The following UBN1 variants were observed in gnomAD, a reference collection of about 807,000 sequenced individuals.
The protein encoded by UBN1 is ubinuclein 1, also known as ubinuclein-1.
UBN1 carries 17 observed loss-of-function variants against 108.5 expected under a neutral mutation model. The ratio of observed to expected loss-of-function variants is 0.16; its 90% confidence interval spans 0.11 to 0.24. UBN1 has a LOEUF of 0.24. UBN1 is among the 10% of genes least tolerant of loss of function. The pLI, the probability that UBN1 is intolerant of heterozygous loss-of-function variation, is 1.00. For missense variants in UBN1, 1,595 were observed against 1,394.4 expected, an observed-to-expected ratio of 1.14 and a Z score of -2.29; for synonymous variants, 726 against 564.2, an observed-to-expected ratio of 1.29 and a Z score of -4.07.
intron 11 of UBN1, 39 bp downstream of exon 11, chr16:4,871,011 G>C: frequency 1.9e-6 from 3 of 1,612,216 alleles, no homozygotes; most frequent in Non-Finnish European, 2.5e-6. Context: ...TGGAGGGTTG[G>C]TGGGGCAGTG....
rs751842571 is a variant in UBN1, at chr16:4,849,949, C to CAAAAAAAAAAAAAAAAAAAA, written c.-40+1756_-40+1757insAAAAAAAAAAAAAAAAAAAA. On this transcript the variant is annotated intron_variant, in intron 1 of 17. Coordinates refer to ENST00000262376, the MANE Select transcript of UBN1 (RefSeq NM_001079514.3). ...CAACAGGAGTGAGGCAACTGTCTCACAAAAAAAAAAAAAAAAACCACAAAA... is the reference window on the plus strand; with the variant it reads ...CAACAGGAGTGAGGCAACTGTCTCACAAAAAAAAAAAAAAAAAAAAAAAAAAAAAAAAAAAAACCACAAAA... Among the ~76,000 whole-genome samples, 15 of 72,142 alleles carry CAAAAAAAAAAAAAAAAAAAA rather than the reference C, an allele frequency of 2.1e-4. 1 individual carries two copies. Among genetic ancestry groups the CAAAAAAAAAAAAAAAAAAAA allele is most frequent in the African/African-American group, 4.7e-4 (8 of 16,894 alleles). 47.3% of individuals were successfully genotyped at this position (72,142 alleles called of 152,430 possible).
rs968643069 is a variant in UBN1, at chr16:4,881,922, C to G, written c.*1790C>G. 2 of 152,216 alleles carry G rather than the reference C, an allele frequency of 1.3e-5. No individual in the cohort carries two copies. The highest frequency in any genetic ancestry group is 2.9e-5 in the Non-Finnish European group (2 of 68,048). 9.4% of individuals were successfully genotyped at this position (152,216 alleles called of 1,614,324 possible). A position where few individuals can be genotyped will look rare whatever the true frequency, so the allele number is the denominator to read the frequency against. The stretch of plus-strand genomic sequence containing the variant: ...CCCATAAACACCCGGGTCCCAGGCC[C>G]TCCTTCCTTTCCCTTTGGTGCTCCC... On this transcript the variant is annotated 3_prime_UTR_variant, in exon 18 of 18. Coordinates refer to ENST00000262376, the MANE Select transcript of UBN1 (RefSeq NM_001079514.3).
At position 4,877,085 on chromosome 16, in the gene UBN1, G is replaced by T. The variant is rs752149313; in HGVS notation, c.3239G>T (p.Gly1080Val). ...KDAIVTGPAP[G>V]SFHHGLGHSL... ...GCCATCGTCACAGGCCCTGCCCCCG[G>T]GTCCTTCCACCATGGCCTTGGCCAC... The change falls in exon 16 of 18, where the codon GGG becomes GTG. Residue 1080 changes from glycine (G) to valine (V), a missense_variant. Coordinates refer to ENST00000262376, the MANE Select transcript of UBN1 (RefSeq NM_001079514.3). This position sits in a 1 kb window ranked among gnomAD's most constrained non-coding sequence, Gnocchi z 4.3. The T allele has an allele frequency of 1.9e-6, 3 of 1,612,974 alleles. No individual in the cohort carries two copies. Among genetic ancestry groups the T allele is most frequent in the Admixed American group, 1.7e-5 (1 of 59,868 alleles).
At chr16:4,873,189 G>A in intron 14 of UBN1, 116 bp downstream of exon 14, 9 of 1,416,962 alleles carry the variant, frequency 6.4e-6, no homozygotes, top group Admixed American at 1.8e-5. Context: ...GGGGACAGCT[G>A]CTCAGGATGA....
At chr16:4,854,510 A>ATT (rs56951085) in intron 2 of UBN1, among the ~76,000 whole-genome samples, 4 of 131,428 alleles carry the variant, frequency 3.0e-5, no homozygotes, top group East Asian at 2.2e-4. Flanking sequence ...CGCCTGGCTA[A>ATT]TTTTTTTTTT....
At chr16:4,861,659 C>T (rs1372202331) in intron 7 of UBN1, among the ~76,000 whole-genome samples, 5 of 152,192 alleles carry the variant, frequency 3.3e-5, no homozygotes, top group East Asian at 1.9e-4. Flanking sequence ...AACCCACCAT[C>T]GGCAGGGTGC....
At chr16:4,876,035 C>T (rs2660221) in intron 15 of UBN1, among the ~76,000 whole-genome samples, 66,508 of 150,620 alleles carry the variant, frequency 0.44, 15,869 homozygotes, top group African/African-American at 0.63. Context: ...CTCGGCTCAG[C>T]GCAAGCTCCA....
At chr16:4,852,721 T>A (rs1344622851) in intron 1 of UBN1, 158 bp from the exon 2 acceptor site, 78 of 751,448 alleles carry the variant, frequency 1.0e-4, no homozygotes, top group Non-Finnish European at 1.3e-4. Context: ...TGTGAAAAAA[T>A]TTTAGGATGA....
intron 1 of UBN1, chr16:4,852,314 G>A (rs2086597636): frequency 6.6e-6 from 1 of 152,202 alleles, no homozygotes; most frequent in Non-Finnish European, 1.5e-5. Flanking sequence ...TTTTGTCAAG[G>A]CCAGTGTTTG....
At chr16:4,857,124 T>C (rs112861583) in intron 2 of UBN1, among the ~76,000 whole-genome samples, 17,656 of 151,914 alleles carry the variant, frequency 0.12, 1,273 homozygotes, top group South Asian at 0.26. Flanking sequence ...GGCAGATCAT[T>C]TGAGCCCAGG....
At chr16:4,860,175 T>C (rs2086994663) in intron 6 of UBN1, among the ~76,000 whole-genome samples, 1 of 152,194 alleles carries the variant, frequency 6.6e-6, no homozygotes, top group African/African-American at 2.4e-5. Context: ...TGTTGGCAGC[T>C]ATTGTTGTCA....
chr16:4,871,865 C>T (rs958577539), intron 12 of UBN1, among the ~76,000 whole-genome samples: 6 of 152,102 alleles, frequency 3.9e-5, no homozygotes, highest in African/African-American at 1.2e-4. Context: ...GGATTACAGG[C>T]GTGAGCCACC....
At position 4,877,240 on chromosome 16, in the gene UBN1, G is replaced by A. The variant is rs2087925958; in HGVS notation, c.3265+129G>A. 6.6e-7 allele frequency: 1 copy of A among 1,513,906 alleles called. No individual in the cohort carries two copies. Among genetic ancestry groups the A allele is most frequent in the Non-Finnish European group, 8.8e-7 (1 of 1,131,248 alleles). The allele number at this position is 1,513,906 out of a possible 1,614,324, so 93.8% of individuals were successfully genotyped here. On this transcript the variant is annotated intron_variant, in intron 16 of 17. Coordinates refer to ENST00000262376, the MANE Select transcript of UBN1 (RefSeq NM_001079514.3). This position sits in a 1 kb window ranked among gnomAD's most constrained non-coding sequence, Gnocchi z 4.3. ...ACTGTGGGGAACATCTCCGGGAACT[G>A]TGCCAAGCCCCCACTGCCCCTTTGG...
At position 4,858,564 on chromosome 16, in the gene UBN1, T is replaced by A. The variant is rs777122343; in HGVS notation, c.337-4T>A. 4 of 1,613,924 alleles carry A rather than the reference T, an allele frequency of 2.5e-6. No homozygotes were observed. Among genetic ancestry groups the A allele is most frequent in the Admixed American group, 1.7e-5 (1 of 60,012 alleles). ...GCATGTAATCTATTGCTTTCACATT[T>A]TAGGGTGGAAAGAAACGTAGAAAAG... On this transcript the variant is annotated splice_region_variant and splice_polypyrimidine_tract_variant and intron_variant, in intron 3 of 17. Coordinates refer to ENST00000262376, the MANE Select transcript of UBN1 (RefSeq NM_001079514.3).
In UBN1 at chr16:4,847,552, T is replaced by A; in HGVS notation, c.-698T>A. The A allele has an allele frequency of 2.3e-6, 1 of 426,052 alleles. No individual in the cohort carries two copies. The highest frequency in any genetic ancestry group is 4.2e-6 in the Non-Finnish European group (1 of 238,708). 26.4% of individuals were successfully genotyped at this position (426,052 alleles called of 1,614,324 possible). On this transcript the variant is annotated 5_prime_UTR_variant, in exon 1 of 18. Transcript: ENST00000262376. ...TCTGAGGCGGCGGCGGCGGCGACGGTGCGACCGGCTGAGCGCGAGAGGGAG... is the reference window on the plus strand; with the variant it reads ...TCTGAGGCGGCGGCGGCGGCGACGGAGCGACCGGCTGAGCGCGAGAGGGAG...
intron 2 of UBN1, 143 bp from the exon 3 acceptor site, chr16:4,857,847 A>T: frequency 1.6e-6 from 1 of 641,882 alleles, no homozygotes; most frequent in Non-Finnish European, 2.7e-6. Context: ...ATAAACATTG[A>T]TGAGATGGTA....
chr16:4,851,926 A>C (rs1244114622), intron 1 of UBN1, among the ~76,000 whole-genome samples: 3 of 152,244 alleles, frequency 2.0e-5, no homozygotes, highest in Non-Finnish European at 4.4e-5. Context: ...GAGATATGAC[A>C]GATTTTGTAT....
intron 14 of UBN1, among the ~76,000 whole-genome samples, chr16:4,873,736 G>C (rs1398184938): frequency 2.0e-5 from 3 of 152,174 alleles, no homozygotes; most frequent in Non-Finnish European, 4.4e-5. Flanking sequence ...CCCCATTCCT[G>C]TTCCCATGAA....
intron 7 of UBN1, among the ~76,000 whole-genome samples, chr16:4,867,315 G>T (rs1361745959): frequency 6.6e-6 from 1 of 152,196 alleles, no homozygotes; most frequent in East Asian, 1.9e-4. Flanking sequence ...ACAACACAGG[G>T]TTTAACTGCG....
Sources: gnomAD v4.1 joint callset for allele counts (sites outside exome capture counted in the v4.1 genomes callset) on GRCh38, gnomAD v4.1.1 for gene constraint, Gnocchi (gnomAD v3.1) non-coding constraint, MANE v1.5 for transcripts, NCBI Gene and HGNC (gene_info 2026-07-23, HGNC 2026-07-21) for gene names.